Variants in FBXL7 observed in about 807,000 individuals in gnomAD.
The protein encoded by FBXL7 is F-box/LRR-repeat protein 7.
FBXL7 carries 12 observed loss-of-function variants against 38.3 expected under a neutral mutation model. The ratio of observed to expected loss-of-function variants is 0.31; its 90% confidence interval spans 0.20 to 0.51. The LOEUF is 0.51. Ranked by LOEUF, FBXL7 falls within the 20% of genes least tolerant of loss-of-function variation. FBXL7 has a pLI of 0.98. For synonymous variants in FBXL7, 297 were observed against 300.9 expected (o/e 0.99, Z 0.13); for missense variants, 567 against 676.4 (o/e 0.84, Z 1.79).
At chr5:15,628,589 A>G (rs1478145535) in intron 2 of FBXL7, among the ~76,000 whole-genome samples, 2 of 152,216 alleles carry the variant, frequency 1.3e-5, no homozygotes, top group African/African-American at 2.4e-5. Flanking sequence ...ACTAAAGCCA[A>G]CTTCTGAATA....
chr5:15,815,225 T>C (rs1186348180), intron 2 of FBXL7, among the ~76,000 whole-genome samples: 3 of 152,188 alleles, frequency 2.0e-5, no homozygotes, highest in Non-Finnish European at 4.4e-5. Context: ...CAGCTAATTA[T>C]CTCATTGATT....
chr5:15,768,530 C>CA (rs368089745), intron 2 of FBXL7, among the ~76,000 whole-genome samples: 1,394 of 124,986 alleles, frequency 0.011, 58 homozygotes, highest in Admixed American at 0.089. Flanking sequence ...GACTCTGTCT[C>CA]AAAAAAAAAA....
chr5:15,917,912 A>G (rs945393890), intron 2 of FBXL7, among the ~76,000 whole-genome samples: 1 of 152,122 alleles, frequency 6.6e-6, no homozygotes, highest in Non-Finnish European at 1.5e-5. Context: ...TAGCTCAGGG[A>G]TGAAAATGAA....
intron 2 of FBXL7, among the ~76,000 whole-genome samples, chr5:15,781,432 AGTGT>A (rs139787474): frequency 6.3e-5 from 9 of 143,656 alleles, no homozygotes; most frequent in African/African-American, 1.5e-4. Context: ...AAATTGTGTG[AGTGT>A]GTGTGTGTGT....
chr5:15,680,386 C>T (rs1413464213), intron 2 of FBXL7, among the ~76,000 whole-genome samples: 2 of 152,116 alleles, frequency 1.3e-5, no homozygotes, highest in African/African-American at 4.8e-5. Context: ...CAATGTGCAA[C>T]CTGAATAACT....
intron 2 of FBXL7, among the ~76,000 whole-genome samples, chr5:15,682,699 T>C (rs887552580): frequency 6.6e-6 from 1 of 152,188 alleles, no homozygotes; most frequent in Non-Finnish European, 1.5e-5. Context: ...ATAACACATT[T>C]CCTCAATAGA....
intron 2 of FBXL7, among the ~76,000 whole-genome samples, chr5:15,658,991 T>C (rs1741973513): frequency 6.6e-6 from 1 of 152,136 alleles, no homozygotes; most frequent in South Asian, 2.1e-4. Flanking sequence ...GCCACTGCCA[T>C]GTGAAGGAAA....
At chr5:15,800,928 T>C (rs1407447306) in intron 2 of FBXL7, among the ~76,000 whole-genome samples, 3 of 151,994 alleles carry the variant, frequency 2.0e-5, no homozygotes, top group Non-Finnish European at 4.4e-5. Context: ...AATACAGTTC[T>C]GCTTGTATTA....
At chr5:15,842,903 T>C (rs1237000372) in intron 2 of FBXL7, among the ~76,000 whole-genome samples, 1 of 152,214 alleles carries the variant, frequency 6.6e-6, no homozygotes, top group Non-Finnish European at 1.5e-5. Context: ...ATGTCTTTTT[T>C]AGCAGGAGGA....
At chr5:15,893,150 G>A (rs1472677636) in intron 2 of FBXL7, among the ~76,000 whole-genome samples, 1 of 151,678 alleles carries the variant, frequency 6.6e-6, no homozygotes, top group Non-Finnish European at 1.5e-5. Flanking sequence ...GGCTTAGAGA[G>A]TTAAATATGT....
chr5:15,544,357 A>C (rs1301487476), intron 1 of FBXL7, among the ~76,000 whole-genome samples: 1 of 152,196 alleles, frequency 6.6e-6, no homozygotes, highest in Admixed American at 6.5e-5. Context: ...CGTCAAGGGA[A>C]CCTCACATGA....
At chr5:15,808,511 C>A (rs1737775187) in intron 2 of FBXL7, among the ~76,000 whole-genome samples, 1 of 152,132 alleles carries the variant, frequency 6.6e-6, no homozygotes. Context: ...CTGTGTATTT[C>A]CCACTGTGTA....
At chr5:15,612,838 C>G (rs1368345437) in intron 1 of FBXL7, among the ~76,000 whole-genome samples, 4 of 152,120 alleles carry the variant, frequency 2.6e-5, no homozygotes, top group African/African-American at 9.7e-5. Context: ...TGGGCACGTG[C>G]ATGCCAAAAC....
chr5:15,524,561 T>C (rs1737198195), intron 1 of FBXL7, among the ~76,000 whole-genome samples: 1 of 152,196 alleles, frequency 6.6e-6, no homozygotes, highest in Non-Finnish European at 1.5e-5. Context: ...ACAAACTTAG[T>C]AGGATTGCAA....
intron 1 of FBXL7, among the ~76,000 whole-genome samples, chr5:15,524,359 T>TG (rs775361709): frequency 8.5e-5 from 13 of 152,238 alleles, no homozygotes; most frequent in East Asian, 1.9e-4. Context: ...CTTAACTTCT[T>TG]GGGGGGGCTG....
intron 2 of FBXL7, among the ~76,000 whole-genome samples, chr5:15,775,744 T>C (rs1160344953): frequency 6.6e-6 from 1 of 152,114 alleles, no homozygotes; most frequent in Non-Finnish European, 1.5e-5. Context: ...CTGCACATAT[T>C]TTTGATAATT....
At chr5:15,647,956 G>GT (rs1272184990) in intron 2 of FBXL7, among the ~76,000 whole-genome samples, 1 of 152,224 alleles carries the variant, frequency 6.6e-6, no homozygotes, top group Non-Finnish European at 1.5e-5. Context: ...AAGCCTGGGG[G>GT]TGAGAGTAGG....
At chr5:15,658,183 T>C (rs1741940529) in intron 2 of FBXL7, among the ~76,000 whole-genome samples, 1 of 152,192 alleles carries the variant, frequency 6.6e-6, no homozygotes, top group Non-Finnish European at 1.5e-5. Flanking sequence ...AGAGTAGGAA[T>C]ATTTTCTCCA....
intron 2 of FBXL7, among the ~76,000 whole-genome samples, chr5:15,812,097 T>C (rs1737878363): frequency 6.6e-6 from 1 of 152,120 alleles, no homozygotes. Flanking sequence ...CAAATGCCTA[T>C]CAATGATACA....
Sources: gnomAD v4.1 joint callset for allele counts (sites outside exome capture counted in the v4.1 genomes callset) on GRCh38, gnomAD v4.1.1 for gene constraint, MANE v1.5 for transcripts, NCBI Gene and HGNC (gene_info 2026-07-23, HGNC 2026-07-21) for gene names.